The following BRAF variants were observed in gnomAD, a reference collection of about 807,000 sequenced individuals.
BRAF encodes the protein B-Raf proto-oncogene, serine/threonine kinase, also known as serine/threonine-protein kinase B-raf.
In BRAF, 16 loss-of-function variants were observed where a neutral mutation model predicts 104.6. The ratio of observed to expected loss-of-function variants is 0.15; its 90% CI spans 0.10 to 0.23. The LOEUF is 0.23. Ranked by LOEUF, BRAF falls within the 10% of genes least tolerant of loss-of-function variation. The pLI is 1.00. For missense variants in BRAF, 541 were observed against 937.3 expected, an observed-to-expected ratio of 0.58 and a Z score of 5.52; for synonymous variants, 310 against 341.6, an observed-to-expected ratio of 0.91 and a Z score of 1.02.
chr7:140,833,198 C>A (rs1415168594), intron 3 of BRAF, among the ~76,000 whole-genome samples: 1 of 152,068 alleles, frequency 6.6e-6, no homozygotes, highest in Non-Finnish European at 1.5e-5. Context: ...GCTAGTTAAA[C>A]TTAATCATTA....
chr7:140,723,596 A>G lies in BRAF; in HGVS notation c.*2898T>C. Reference sequence around the variant, plus strand: ...TTTGGTCAATATTATTTCAGTGGCAAAAGTCTAGGTCCTTGACTCTAACGA... The same window carrying G: ...TTTGGTCAATATTATTTCAGTGGCAGAAGTCTAGGTCCTTGACTCTAACGA... On this transcript the variant is annotated 3_prime_UTR_variant, in exon 20 of 20. Transcript: ENST00000644969. 9.5e-7 allele frequency: 1 copy of G among 1,049,692 alleles called. No individual in the cohort carries two copies. The highest frequency in any genetic ancestry group is 1.2e-6 in the Non-Finnish European group (1 of 869,538). 65.0% of individuals were successfully genotyped at this position (1,049,692 alleles called of 1,614,324 possible). A position where few individuals can be genotyped will look rare whatever the true frequency, so the allele number is the denominator to read the frequency against.
rs373536072 is a variant in BRAF, at chr7:140,923,581, G to A, written c.138+985C>T. Reference sequence around the variant, plus strand: ...ACCTATAAAAATGGGTAGGAATAAAGAGGTGTGAATGCACAATGGACGACT... The same window carrying A: ...ACCTATAAAAATGGGTAGGAATAAAAAGGTGTGAATGCACAATGGACGACT... On this transcript the variant is annotated intron_variant, in intron 1 of 19. Coordinates refer to ENST00000644969, the MANE Select transcript of BRAF (RefSeq NM_001374258.1). 1.6e-4 allele frequency among the ~76,000 whole-genome samples: 25 copies of A among 152,320 alleles called. 1 individual carries two copies. The highest frequency in any genetic ancestry group is 5.8e-4 in the African/African-American group (24 of 41,564).
At chr7:140,890,811 C>A (rs1011691288) in intron 1 of BRAF, among the ~76,000 whole-genome samples, 2 of 152,126 alleles carry the variant, frequency 1.3e-5, no homozygotes, top group Non-Finnish European at 1.5e-5. Context: ...TCACCCATAT[C>A]TGAGCAAAAG....
chr7:140,751,505 A>T (rs1329056946), intron 16 of BRAF, among the ~76,000 whole-genome samples: 1 of 152,158 alleles, frequency 6.6e-6, no homozygotes, highest in Non-Finnish European at 1.5e-5. Context: ...AAAGTTAAAC[A>T]TATGTTAAAT....
intron 14 of BRAF, among the ~76,000 whole-genome samples, chr7:140,759,873 G>A (rs1008207739): frequency 1.3e-5 from 2 of 152,148 alleles, no homozygotes; most frequent in African/African-American, 4.8e-5. Flanking sequence ...CTTTGATTCA[G>A]GTCTGGGGTG....
chr7:140,923,362 A>G (rs1489811067), intron 1 of BRAF, among the ~76,000 whole-genome samples: 1 of 152,230 alleles, frequency 6.6e-6, no homozygotes, highest in Non-Finnish European at 1.5e-5. Flanking sequence ...AAAGCATAAT[A>G]AAGTATTATT....
chr7:140,861,766 T>C (rs539616487), intron 1 of BRAF, among the ~76,000 whole-genome samples: 1 of 152,318 alleles, frequency 6.6e-6, no homozygotes, highest in East Asian at 1.9e-4. Context: ...ATCTGAAGCA[T>C]ATATAAGACA....
intron 3 of BRAF, among the ~76,000 whole-genome samples, chr7:140,813,680 T>C (rs570699161): frequency 2.0e-5 from 3 of 152,280 alleles, no homozygotes; most frequent in African/African-American, 4.8e-5. Context: ...TGTAGTTGTA[T>C]ATATATAAAA....
At chr7:140,718,312 T>C (rs896072777), downstream of BRAF, among the ~76,000 whole-genome samples, 2 of 151,712 alleles carry the variant, frequency 1.3e-5, no homozygotes, top group Admixed American at 6.6e-5. Flanking sequence ...CAGGCTGGAG[T>C]GCAATGGCAC....
At chr7:140,849,846 T>A (rs1458768598) in intron 2 of BRAF, among the ~76,000 whole-genome samples, 3 of 151,846 alleles carry the variant, frequency 2.0e-5, no homozygotes, top group Non-Finnish European at 4.4e-5. Context: ...AAAATAAAAA[T>A]AAAAATTTAA....
intron 1 of BRAF, among the ~76,000 whole-genome samples, chr7:140,852,100 G>A (rs930771000): frequency 6.6e-6 from 1 of 152,084 alleles, no homozygotes; most frequent in Non-Finnish European, 1.5e-5. Context: ...CTAGCATAGT[G>A]GCTCACATCT....
At chr7:140,873,606 T>C (rs184077345) in intron 1 of BRAF, among the ~76,000 whole-genome samples, 43 of 152,310 alleles carry the variant, frequency 2.8e-4, no homozygotes, top group Admixed American at 1.6e-3. Context: ...GTGCTGTGAA[T>C]TTAAGTGATA....
intron 1 of BRAF, among the ~76,000 whole-genome samples, chr7:140,916,549 A>G (rs888530749): frequency 6.6e-6 from 1 of 152,224 alleles, no homozygotes; most frequent in African/African-American, 2.4e-5. Flanking sequence ...ACATCTTAAC[A>G]TATTCATTTT....
chr7:140,903,017 C>T (rs1380982694), intron 1 of BRAF, among the ~76,000 whole-genome samples: 2 of 151,524 alleles, frequency 1.3e-5, no homozygotes, highest in Admixed American at 6.6e-5. Flanking sequence ...CTCTGCCTCC[C>T]GGGTTCAAGC....
chr7:140,888,034 G>C (rs774617363), intron 1 of BRAF, among the ~76,000 whole-genome samples: 125 of 152,122 alleles, frequency 8.2e-4, no homozygotes, highest in Non-Finnish European at 7.1e-4. Flanking sequence ...CACCATGCCT[G>C]GCTAATTTTT....
At chr7:140,818,603 A>C (rs1048499569) in intron 3 of BRAF, among the ~76,000 whole-genome samples, 1 of 152,188 alleles carries the variant, frequency 6.6e-6, no homozygotes, top group Admixed American at 6.5e-5. Flanking sequence ...ATGAGCCAAC[A>C]CGCCAGCACC....
At chr7:140,919,312 C>T (rs562950642) in intron 1 of BRAF, among the ~76,000 whole-genome samples, 268 of 152,186 alleles carry the variant, frequency 1.8e-3, no homozygotes, top group Non-Finnish European at 3.0e-3. Flanking sequence ...ACGCTTTATC[C>T]GATGTTACAG....
intron 1 of BRAF, among the ~76,000 whole-genome samples, chr7:140,855,945 G>C (rs1809731126): frequency 6.6e-6 from 1 of 151,844 alleles, no homozygotes; most frequent in Non-Finnish European, 1.5e-5. Context: ...TTGAACTTGG[G>C]AGATGGAGGG....
intron 18 of BRAF, among the ~76,000 whole-genome samples, chr7:140,737,049 T>TA (rs879395038): frequency 1.0e-3 from 149 of 143,996 alleles, no homozygotes; most frequent in East Asian, 1.6e-3. Flanking sequence ...GCCCAGCCTA[T>TA]AAAAAAAAAA....
Sources: gnomAD v4.1 joint callset for allele counts (sites outside exome capture counted in the v4.1 genomes callset) on GRCh38, gnomAD v4.1.1 for gene constraint, MANE v1.5 for transcripts, NCBI Gene and HGNC (gene_info 2026-07-23, HGNC 2026-07-21) for gene names.